Variants in SLC7A6OS observed in about 807,000 individuals in gnomAD.
SLC7A6OS encodes solute carrier family 7 member 6 opposite strand, also known as probable RNA polymerase II nuclear localization protein SLC7A6OS.
In SLC7A6OS, 22 loss-of-function variants were observed where a neutral mutation model predicts 34.3. The ratio of observed to expected loss-of-function variants is 0.64; its 90% CI spans 0.46 to 0.92. The LOEUF (loss-of-function observed/expected upper bound fraction) is 0.92, where lower values mean the gene tolerates loss of function less well. Among genes scored for constraint, SLC7A6OS ranks in the 40% least tolerant of loss-of-function variants. SLC7A6OS has a pLI of 0.00. For synonymous variants in SLC7A6OS, 199 were observed against 165.0 expected, an observed-to-expected ratio of 1.21 and a Z score of -1.58; for missense variants, 434 against 407.7, an observed-to-expected ratio of 1.06 and a Z score of -0.56.
chr16:68,302,542 C>G, intron 3 of SLC7A6OS, 41 bp from the exon 4 acceptor site: 1 of 1,613,438 alleles, frequency 6.2e-7, no homozygotes, highest in Non-Finnish European at 8.5e-7. Context: ...GTCAAAACCT[C>G]TAAGGTTATG....
In SLC7A6OS at chr16:68,310,637, G is replaced by A. The variant is rs3803649; in HGVS notation, c.193-24C>T. The A allele has an allele frequency of 3.4e-4, 543 of 1,584,258 alleles. 2 individuals carry two copies. The African/African-American group carries it at 6.1e-3, about 18-fold the overall frequency. On this transcript the variant is annotated intron_variant, in intron 1 of 4. Transcript: ENST00000263997. The stretch of plus-strand genomic sequence containing the variant: ...TCCTAGGGGGCAACAGGGGACGGAG[G>A]CCAGCGTAAGCAGGAGTTCGCGAGC...
chr16:68,303,920 ACTAAGG>A, intron 3 of SLC7A6OS, 100 bp downstream of exon 3: 1 of 1,025,096 alleles, frequency 9.8e-7, no homozygotes, highest in Non-Finnish European at 1.5e-6. Flanking sequence ...GAGGAAAAGA[ACTAAGG>A]ACAATGTTGT....
rs1346609797 is a variant in SLC7A6OS, at chr16:68,304,016, G to A, written c.678+10C>T. 6.2e-7 allele frequency: 1 copy of A among 1,612,076 alleles called. No individual in the cohort carries two copies. The highest frequency in any genetic ancestry group is 8.5e-7 in the Non-Finnish European group (1 of 1,179,432). ...TGCCTCATGCCCCGTCTGCTCATGG[G>A]CCCCCTTACCAGCTCCCATTCTTGG... is the stretch of plus-strand genomic sequence containing the variant. On this transcript the variant is annotated intron_variant, in intron 3 of 4. Transcript: ENST00000263997.
chr16:68,301,168 T>C lies in SLC7A6OS; in HGVS notation c.*107A>G. 1 of 1,493,214 alleles carries C rather than the reference T, an allele frequency of 6.7e-7. No individual in the cohort carries two copies. The highest frequency in any genetic ancestry group is 9.0e-7 in the Non-Finnish European group (1 of 1,116,480). 92.5% of individuals were successfully genotyped at this position (1,493,214 alleles called of 1,614,324 possible). A position where few individuals can be genotyped will look rare whatever the true frequency, so the allele number is the denominator to read the frequency against. Reference sequence around the variant, plus strand: ...CCGATATGCTTGATATGCTTTTCCTTCCACATGTTAAGCTAGGAAACCTAA... The same window carrying C: ...CCGATATGCTTGATATGCTTTTCCTCCCACATGTTAAGCTAGGAAACCTAA... On this transcript the variant is annotated 3_prime_UTR_variant, in exon 5 of 5. Transcript: ENST00000263997.
chr16:68,307,556 C>T (rs2099475243), intron 2 of SLC7A6OS, among the ~76,000 whole-genome samples: 1 of 152,046 alleles, frequency 6.6e-6, no homozygotes, highest in African/African-American at 2.4e-5. Context: ...TAAAATTTTC[C>T]TAGATTATGC....
intron 3 of SLC7A6OS, 27 bp downstream of exon 3, chr16:68,303,999 G>A: frequency 6.3e-7 from 1 of 1,599,118 alleles, no homozygotes; most frequent in Non-Finnish European, 8.6e-7. Context: ...GATGCCTCAT[G>A]CCCCGTCTGC....
intron 3 of SLC7A6OS, among the ~76,000 whole-genome samples, chr16:68,303,186 C>G (rs2043299090): frequency 6.6e-6 from 1 of 151,476 alleles, no homozygotes; most frequent in Admixed American, 6.6e-5. Flanking sequence ...ATCGCTTGAA[C>G]CCAGGAGGCG....
At position 68,304,045 on chromosome 16, in the gene SLC7A6OS, T is replaced by G; in HGVS notation, c.659A>C (p.Tyr220Ser). Reference sequence around the variant, plus strand: ...CCTTACCAGCTCCCATTCTTGGCTGTAGGGCTGCACGGAGAGGATGTTCTC... The same window carrying G: ...CCTTACCAGCTCCCATTCTTGGCTGGAGGGCTGCACGGAGAGGATGTTCTC... ...WIENILSVQPYSQEWELVNDD... is the reference protein window; with the variant it reads ...WIENILSVQPSSQEWELVNDD... Residue 220 changes from tyrosine to serine, a missense_variant, in exon 3 of 5, where the codon TAC becomes TCC. Coordinates refer to ENST00000263997, the MANE Select transcript of SLC7A6OS (RefSeq NM_032178.3). 6.2e-6 allele frequency: 10 copies of G among 1,613,552 alleles called. No homozygotes were observed. The highest frequency in any genetic ancestry group is 8.5e-6 in the Non-Finnish European group (10 of 1,179,854).
In SLC7A6OS at chr16:68,302,609, G is replaced by A. The variant is rs2043292785; in HGVS notation, c.679-108C>T. On this transcript the variant is annotated intron_variant, in intron 3 of 4. Transcript: ENST00000263997. ...AAGAGATATCATGTAAAAGTGCCCT[G>A]TGAAAAAACTGCAGACTAGTAGTTT... The A allele has an allele frequency of 3.0e-6, 4 of 1,344,310 alleles. No individual in the cohort carries two copies. The East Asian group carries it at 6.9e-5, about 23-fold the overall frequency. 83.3% of individuals were successfully genotyped at this position (1,344,310 alleles called of 1,614,324 possible). A position where few individuals can be genotyped will look rare whatever the true frequency, so the allele number is the denominator to read the frequency against.
intron 2 of SLC7A6OS, among the ~76,000 whole-genome samples, chr16:68,306,508 C>T (rs191490503): frequency 1.4e-4 from 22 of 152,140 alleles, no homozygotes; most frequent in Admixed American, 5.9e-4. Context: ...TGAGCCACCG[C>T]GCCCGGCCTA....
In SLC7A6OS at chr16:68,310,580, G is replaced by T. The variant is rs771616951; in HGVS notation, c.226C>A (p.Leu76Met). The T allele has an allele frequency of 6.3e-7, 1 of 1,592,026 alleles. No individual in the cohort carries two copies. The highest frequency in any genetic ancestry group is 8.5e-7 in the Non-Finnish European group (1 of 1,170,828). Residue 76 changes from leucine (L) to methionine (M), a missense_variant, in exon 2 of 5, where the codon CTG becomes ATG. Leu to Met is a conservative substitution (Grantham distance 15). Coordinates refer to ENST00000263997, the MANE Select transcript of SLC7A6OS (RefSeq NM_032178.3). ...TGCTGGCTGTCCCGTGACGGGCGCA[G>T]AACTTCCCGCAGGAGAGGCTGGACT... is the stretch of plus-strand genomic sequence containing the variant. The part of the protein sequence containing the change: ...EPVQPLLREV[L>M]RPSRDSQQRV...
Position 68,302,456 on chromosome 16 carries a change from C to T in SLC7A6OS, c.724G>A (p.Asp242Asn), listed in dbSNP as rs1324033892. 1.2e-6 allele frequency: 2 copies of T among 1,614,178 alleles called. No individual in the cohort carries two copies. Among genetic ancestry groups the T allele is most frequent in the Admixed American group, 1.7e-5 (1 of 60,030 alleles). Reference protein sequence around the residue: ...EPEDIYDDEDDENSENNWRNE... With the variant: ...EPEDIYDDEDNENSENNWRNE... ...CGCCAGTTATTCTCACTGTTCTCGT[C>T]ATCTTCATCGTCGTAAATGTCCTCT... is the stretch of plus-strand genomic sequence containing the variant. Residue 242 changes from aspartate (D) to asparagine (N), a missense_variant, in exon 4 of 5, where the codon GAC (aspartate) becomes AAC (asparagine). Coordinates refer to ENST00000263997, the MANE Select transcript of SLC7A6OS (RefSeq NM_032178.3).
At position 68,301,352 on chromosome 16, in the gene SLC7A6OS, G is replaced by T. The variant is rs765933454; in HGVS notation, c.853C>A (p.Arg285=). The T allele has an allele frequency of 3.1e-6, 5 of 1,613,942 alleles. No individual in the cohort carries two copies. The Admixed American group carries it at 6.7e-5, about 22-fold the overall frequency. The change falls in exon 5 of 5, where the codon CGG becomes AGG. Residue 285 remains arginine (R), a synonymous_variant. Transcript: ENST00000263997. ...TCCAGAGGGTACTTGCTCCACATCC[G>T]CTGTCTGCTGCTGCCTCTTTCCTCC... The part of the protein sequence containing the change: ...SEEERGSSRQ[R]MWSKYPLDVQ...
At chr16:68,309,495 G>A (rs889180948) in intron 2 of SLC7A6OS, among the ~76,000 whole-genome samples, 9 of 152,212 alleles carry the variant, frequency 5.9e-5, no homozygotes, top group South Asian at 2.1e-4. Flanking sequence ...GCCTCCCTAC[G>A]TGCTAGGATT....
Position 68,301,289 on chromosome 16 carries a change from G to A in SLC7A6OS, c.916C>T (p.Leu306=), listed in dbSNP as rs2043268836. The A allele has an allele frequency of 6.2e-7, 1 of 1,614,116 alleles. No homozygotes were observed. Among genetic ancestry groups the A allele is most frequent in the Non-Finnish European group, 8.5e-7 (1 of 1,179,980 alleles). ...TCACAAGACCATCAGTCTGAATCCA[G>A]GTCGTGGGGGCTGTCATAGCCGAAC... ...KEFGYDSPHD[L]DSD is the part of the protein sequence containing the mutation. The change falls in exon 5 of 5, where the codon CTG becomes TTG. Residue 306 remains leucine (L), a synonymous_variant. Coordinates refer to ENST00000263997, the MANE Select transcript of SLC7A6OS (RefSeq NM_032178.3).
At chr16:68,302,531 A>G in intron 3 of SLC7A6OS, 30 bp from the exon 4 acceptor site, 1 of 1,614,054 alleles carries the variant, frequency 6.2e-7, no homozygotes, top group African/African-American at 1.3e-5. Flanking sequence ...CATGAGTCCA[A>G]GTCAAAACCT....
intron 4 of SLC7A6OS, 25 bp from the exon 5 acceptor site, chr16:68,301,430 T>A: frequency 6.2e-7 from 1 of 1,605,248 alleles, no homozygotes; most frequent in Non-Finnish European, 8.5e-7. Context: ...CGGGAGTGGA[T>A]TCTAAATGTG....
intron 2 of SLC7A6OS, among the ~76,000 whole-genome samples, chr16:68,310,007 T>C (rs1216560248): frequency 6.6e-6 from 1 of 152,212 alleles, no homozygotes; most frequent in East Asian, 1.9e-4. Context: ...AGTGACACTC[T>C]CACTGAAGTG....
intron 2 of SLC7A6OS, among the ~76,000 whole-genome samples, chr16:68,307,825 T>G (rs1027114036): frequency 6.6e-6 from 1 of 152,236 alleles, no homozygotes; most frequent in Non-Finnish European, 1.5e-5. Context: ...AGAGTCGGTA[T>G]TGCTTTACTG....
Sources: allele counts gnomAD v4.1 joint callset (sites outside exome capture counted in the v4.1 genomes callset), GRCh38; gene constraint gnomAD v4.1.1; transcripts MANE v1.5; gene names NCBI Gene and HGNC (gene_info 2026-07-23, HGNC 2026-07-21).